The following SPTAN1 variants were observed in gnomAD, a reference collection of about 807,000 sequenced individuals.
SPTAN1 encodes the protein spectrin alpha chain, non-erythrocytic 1.
SPTAN1 carries 61 observed loss-of-function variants against 331.3 expected under a neutral mutation model. That is an observed-to-expected ratio of 0.18 (90% CI 0.15 to 0.23). SPTAN1 has a LOEUF of 0.23. Ranked by LOEUF, SPTAN1 falls within the 10% of genes least tolerant of loss-of-function variation. The pLI is 1.00. For missense variants in SPTAN1, 2,043 were observed against 3,147.9 expected, an observed-to-expected ratio of 0.65 and a Z score of 8.40; for synonymous variants, 1,153 against 1,173.9, an observed-to-expected ratio of 0.98 and a Z score of 0.36.
intron 45 of SPTAN1, chr9:128,621,892 C>G (rs558239344): frequency 1.2e-5 from 2 of 160,292 alleles, no homozygotes; most frequent in African/African-American, 4.8e-5. Context: ...GCAGTGTGTC[C>G]GTGGGTCGGG....
intron 10 of SPTAN1, 136 bp downstream of exon 10, chr9:128,579,874 G>C: frequency 5.1e-6 from 4 of 778,176 alleles, no homozygotes; most frequent in Non-Finnish European, 6.5e-6. Context: ...CTCTGCAGAG[G>C]TTTAAAAAGA....
intron 10 of SPTAN1, among the ~76,000 whole-genome samples, chr9:128,580,504 G>A (rs984262471): frequency 6.6e-6 from 1 of 151,726 alleles, no homozygotes; most frequent in Non-Finnish European, 1.5e-5. Flanking sequence ...TAGTAGCTTC[G>A]GAGCCTAAAG....
At chr9:128,563,024 A>ATATATATATATATATATATG (rs1564188712) in intron 1 of SPTAN1, among the ~76,000 whole-genome samples, 12 of 140,554 alleles carry the variant, frequency 8.5e-5, no homozygotes, top group African/African-American at 3.3e-4. Flanking sequence ...ATATATATAT[A>ATATATATATATATATATATG]TATGTATATA....
At chr9:128,600,843 A>G (rs1337916585) in intron 27 of SPTAN1, among the ~76,000 whole-genome samples, 1 of 151,658 alleles carries the variant, frequency 6.6e-6, no homozygotes, top group African/African-American at 2.4e-5. Flanking sequence ...TTGTATTTTT[A>G]GTAGAGACAG....
In SPTAN1 at chr9:128,577,367, G is replaced by T; in HGVS notation, c.946G>T (p.Ala316Ser). The change falls in exon 8 of 57, where the codon GCT becomes TCT. Residue 316 changes from alanine to serine, a missense_variant. By Grantham distance (99) the Ala-to-Ser change is moderately conservative (BLOSUM62 1). Transcript: ENST00000372739. The surrounding 1 kb of genome is among the most constrained non-coding windows in gnomAD (Gnocchi z 4.2). ...ALEDKVKALC[A>S]EADRLQQSHP... The stretch of plus-strand genomic sequence containing the variant: ...TCATTTCTAGGTCAAAGCCCTGTGT[G>T]CTGAGGCTGACCGCCTGCAACAGTC... The T allele has an allele frequency of 6.2e-7, 1 of 1,614,220 alleles. No individual in the cohort carries two copies. The highest frequency in any genetic ancestry group is 1.1e-5 in the South Asian group (1 of 91,082).
chr9:128,593,736 C>G (rs977639992), intron 23 of SPTAN1: 24 of 239,378 alleles, frequency 1.0e-4, no homozygotes, highest in Non-Finnish European at 1.5e-4. Context: ...CTCAGTGTAC[C>G]CTCCCCCACC....
Position 128,625,152 on chromosome 9 carries a change from T to G in SPTAN1, c.6042T>G (p.Ser2014=), listed in dbSNP as rs142830725. Residue 2014 remains serine, a synonymous_variant, in exon 47 of 57, where the codon TCT becomes TCG. Coordinates refer to ENST00000372739, the MANE Select transcript of SPTAN1 (RefSeq NM_001130438.3). The surrounding 1 kb of genome is among the most constrained non-coding windows in gnomAD (Gnocchi z 4.1). ...LKTDDYGRDL[S]SVQTLLTKQE... ...CAGATGATTATGGCCGAGACCTGTC[T>G]TCTGTGCAGACGCTCCTCACCAAAC... 1.7e-4 allele frequency: 282 copies of G among 1,614,096 alleles called. 1 individual carries two copies. The highest frequency in any genetic ancestry group is 3.7e-4 in the Admixed American group (22 of 60,004).
intron 27 of SPTAN1, 82 bp downstream of exon 27, chr9:128,600,197 G>A: frequency 6.9e-7 from 1 of 1,458,036 alleles, no homozygotes; most frequent in South Asian, 1.1e-5. Flanking sequence ...GCCTTTCTCT[G>A]AATATTCAGC....
At position 128,625,485 on chromosome 9, in the gene SPTAN1, C is replaced by A. The variant is rs950739999; in HGVS notation, c.6070-284C>A. On this transcript the variant is annotated intron_variant, in intron 47 of 56. Coordinates refer to ENST00000372739, the MANE Select transcript of SPTAN1 (RefSeq NM_001130438.3). This position sits in a 1 kb window ranked among gnomAD's most constrained non-coding sequence, Gnocchi z 4.1. Reference sequence around the variant, plus strand: ...CGAAATCATGAGGGGTGAATGAAAACGGTCAGGGAGAGAGGCAGGGCGAGT... The same window carrying A: ...CGAAATCATGAGGGGTGAATGAAAAAGGTCAGGGAGAGAGGCAGGGCGAGT... Among the ~76,000 whole-genome samples the A allele has an allele frequency of 6.6e-6, 1 of 152,104 alleles. No homozygotes were observed. The highest frequency in any genetic ancestry group is 2.4e-5 in the African/African-American group (1 of 41,424).
In SPTAN1 at chr9:128,583,171, C is replaced by G; in HGVS notation, c.1901C>G (p.Ala634Gly). 1 of 1,614,120 alleles carries G rather than the reference C, an allele frequency of 6.2e-7. No homozygotes were observed. Among genetic ancestry groups the G allele is most frequent in the Non-Finnish European group, 8.5e-7 (1 of 1,180,024 alleles). ...AGCCGAATTGATGCCTTGGAGAAAG[C>G]TGGCCAAAAGCTGATTGATGTCAAC... ...NQSRIDALEK[A>G]GQKLIDVNHY... Residue 634 changes from alanine to glycine, a missense_variant, in exon 15 of 57, where the codon GCT becomes GGT. Around this residue, in one of 12 missense-constraint regions of SPTAN1, gnomAD observed 1,038 missense variants for 1,531.5 expected, o/e 0.68. Coordinates refer to ENST00000372739, the MANE Select transcript of SPTAN1 (RefSeq NM_001130438.3).
At chr9:128,591,668 G>A (rs770257194) in intron 22 of SPTAN1, 43 bp downstream of exon 22, 35 of 1,611,320 alleles carry the variant, frequency 2.2e-5, no homozygotes, top group Non-Finnish European at 2.9e-5. Context: ...GCGTCCCATA[G>A]GCATACTCTG....
chr9:128,568,450 C>G (rs1850289197), intron 2 of SPTAN1, among the ~76,000 whole-genome samples: 1 of 152,168 alleles, frequency 6.6e-6, no homozygotes. Flanking sequence ...ACTGGATGTT[C>G]ACATAAAGGC....
At chr9:128,600,170 A>G in intron 27 of SPTAN1, 55 bp downstream of exon 27, 4 of 1,578,190 alleles carry the variant, frequency 2.5e-6, no homozygotes, top group Non-Finnish European at 3.5e-6. Context: ...ATCATGAAAT[A>G]TGTCCTTTTC....
intron 3 of SPTAN1, among the ~76,000 whole-genome samples, chr9:128,574,261 AT>A (rs1458108274): frequency 6.6e-6 from 1 of 150,708 alleles, no homozygotes; most frequent in Non-Finnish European, 1.5e-5. Flanking sequence ...CACTCTAATA[AT>A]TTAATAATAA....
chr9:128,559,364 G>A (rs1849020889), intron 1 of SPTAN1, among the ~76,000 whole-genome samples: 1 of 152,140 alleles, frequency 6.6e-6, no homozygotes, highest in African/African-American at 2.4e-5. Context: ...GAACCTTTGC[G>A]ATATTATGAT....
intron 8 of SPTAN1, 107 bp from the exon 9 acceptor site, chr9:128,578,003 A>G (rs921211990): frequency 5.5e-6 from 7 of 1,278,948 alleles, no homozygotes; most frequent in Non-Finnish European, 7.9e-6. Context: ...TAGAATTTAT[A>G]TAGTTTGTTA....
intron 1 of SPTAN1, among the ~76,000 whole-genome samples, chr9:128,561,957 C>T (rs1315177186): frequency 6.6e-6 from 1 of 151,930 alleles, no homozygotes; most frequent in Non-Finnish European, 1.5e-5. Context: ...CCTTAAAGGA[C>T]TTATGAATGT....
At chr9:128,584,645 G>C (rs940274233) in intron 17 of SPTAN1, 76 bp from the exon 18 acceptor site, 2 of 1,613,932 alleles carry the variant, frequency 1.2e-6, no homozygotes, top group African/African-American at 2.7e-5. Context: ...GAACCATGGT[G>C]GTAGCTAAGA....
In SPTAN1 at chr9:128,618,883, G is replaced by A; in HGVS notation, c.5613G>A (p.Leu1871=). 6.2e-7 allele frequency: 1 copy of A among 1,614,166 alleles called. No homozygotes were observed. The highest frequency in any genetic ancestry group is 8.5e-7 in the Non-Finnish European group (1 of 1,180,034). The change falls in exon 44 of 57, where the codon CTG becomes CTA. Residue 1871 remains leucine (L), a synonymous_variant. Transcript: ENST00000372739. ...CTCCTGTAATTAGGGGTCAGCGGCT[G>A]GAAGAGTCCTTGGAATATCAGCAGT... ...KQLAAARGQR[L]EESLEYQQFV...
Sources: allele counts gnomAD v4.1 joint callset (sites outside exome capture counted in the v4.1 genomes callset), GRCh38; gene constraint gnomAD v4.1.1; regional missense constraint gnomAD v4.1.1; non-coding constraint Gnocchi (gnomAD v3.1); transcripts MANE v1.5; gene names NCBI Gene and HGNC (gene_info 2026-07-23, HGNC 2026-07-21).